The following ADAM23 variants were observed in gnomAD, a reference collection of about 807,000 sequenced individuals.
ADAM23 encodes the protein disintegrin and metalloproteinase domain-containing protein 23.
Under a neutral mutation model 120.1 loss-of-function variants are expected in ADAM23, and 33 were observed. The ratio of observed to expected loss-of-function variants is 0.27; its 90% CI spans 0.21 to 0.37. The LOEUF is 0.37. ADAM23 is among the 10% of genes least tolerant of loss of function. The pLI is 1.00. For missense variants in ADAM23, 862 were observed against 1,058.2 expected, an observed-to-expected ratio of 0.81 and a Z score of 2.57; for synonymous variants, 367 against 375.2, an observed-to-expected ratio of 0.98 and a Z score of 0.25.
intron 3 of ADAM23, among the ~76,000 whole-genome samples, chr2:206,514,364 C>CT (rs929490398): frequency 6.6e-6 from 1 of 152,104 alleles, no homozygotes; most frequent in Non-Finnish European, 1.5e-5. Flanking sequence ...TCATGGATGA[C>CT]TTTGAGGGGT....
chr2:206,452,954 T>A (rs1342687217), intron 2 of ADAM23, among the ~76,000 whole-genome samples: 1 of 152,190 alleles, frequency 6.6e-6, no homozygotes, highest in Non-Finnish European at 1.5e-5. Context: ...AATCCATCAG[T>A]CCCACTGCTG....
chr2:206,587,881 T>A (rs1698354733), intron 19 of ADAM23, among the ~76,000 whole-genome samples: 1 of 152,248 alleles, frequency 6.6e-6, no homozygotes, highest in Admixed American at 6.5e-5. Context: ...TAGTTTACAT[T>A]TAGAGAGCTG....
chr2:206,550,633 G>A (rs1423793523), intron 9 of ADAM23, among the ~76,000 whole-genome samples: 1 of 138,918 alleles, frequency 7.2e-6, no homozygotes, highest in Non-Finnish European at 1.5e-5. Context: ...ACGGAGTCTC[G>A]CTCTGTCGCC....
chr2:206,463,633 A>C (rs1008992514), intron 2 of ADAM23, among the ~76,000 whole-genome samples: 3 of 152,130 alleles, frequency 2.0e-5, no homozygotes, highest in African/African-American at 7.2e-5. Flanking sequence ...GCCGAAAAGG[A>C]AGGTTTAGGA....
At chr2:206,595,796 TAATA>T (rs1191107551) in intron 23 of ADAM23, among the ~76,000 whole-genome samples, 11 of 150,052 alleles carry the variant, frequency 7.3e-5, no homozygotes, top group African/African-American at 2.4e-4. Context: ...TTAAGAATAA[TAATA>T]AATAATAAGA....
At chr2:206,510,115 G>C (rs1386840724) in intron 3 of ADAM23, among the ~76,000 whole-genome samples, 1 of 152,118 alleles carries the variant, frequency 6.6e-6, no homozygotes, top group African/African-American at 2.4e-5. Flanking sequence ...ATGCATCATA[G>C]TTATGAAGTG....
At chr2:206,476,181 C>A (rs1041475458) in intron 2 of ADAM23, among the ~76,000 whole-genome samples, 1 of 152,048 alleles carries the variant, frequency 6.6e-6, no homozygotes, top group Non-Finnish European at 1.5e-5. Context: ...TGCTTGATAC[C>A]CTAAAGGGCT....
Position 206,569,187 on chromosome 2 carries a change from C to G in ADAM23, c.1495-1553C>G, listed in dbSNP as rs371996197. The stretch of plus-strand genomic sequence containing the variant: ...AAGCATCATGCCTGAGGAAACAACT[C>G]TCACTTGTTTGGAAAGGTTAAGGTT... On this transcript the variant is annotated intron_variant, in intron 15 of 25. Coordinates refer to ENST00000264377, the MANE Select transcript of ADAM23 (RefSeq NM_003812.4). 9.8e-5 allele frequency among the ~76,000 whole-genome samples: 15 copies of G among 152,300 alleles called. No homozygotes were observed. In the East Asian group the frequency reaches 1.9e-3, roughly 20 times the overall value.
intron 2 of ADAM23, among the ~76,000 whole-genome samples, chr2:206,458,170 A>G (rs145115899): frequency 4.6e-5 from 7 of 152,360 alleles, no homozygotes; most frequent in Admixed American, 1.3e-4. Context: ...GCTGTTACCA[A>G]CTATCTGGAA....
intron 3 of ADAM23, among the ~76,000 whole-genome samples, chr2:206,508,178 C>G (rs528524328): frequency 2.6e-5 from 4 of 152,198 alleles, no homozygotes; most frequent in South Asian, 2.1e-4. Flanking sequence ...TACAGGCATC[C>G]ACCACCACGC....
intron 3 of ADAM23, among the ~76,000 whole-genome samples, chr2:206,502,836 A>C (rs747276629): frequency 6.6e-6 from 1 of 152,122 alleles, no homozygotes; most frequent in African/African-American, 2.4e-5. Context: ...ACTCAATACA[A>C]TGTTTAAAGG....
At chr2:206,524,021 A>C (rs1696897280) in intron 3 of ADAM23, among the ~76,000 whole-genome samples, 1 of 152,108 alleles carries the variant, frequency 6.6e-6, no homozygotes. Context: ...AAGGGGTGGT[A>C]GGAGACTTCT....
At chr2:206,518,505 T>G (rs1696779336) in intron 3 of ADAM23, among the ~76,000 whole-genome samples, 2 of 152,330 alleles carry the variant, frequency 1.3e-5, no homozygotes, top group South Asian at 2.1e-4. Flanking sequence ...ATTAAAAACA[T>G]GTTAGCATGA....
chr2:206,447,039 T>G (rs1695095643), intron 2 of ADAM23, among the ~76,000 whole-genome samples: 1 of 152,214 alleles, frequency 6.6e-6, no homozygotes, highest in Non-Finnish European at 1.5e-5. Flanking sequence ...CAAAGCCTGT[T>G]TCAAAGAATG....
chr2:206,593,031 T>G (rs962489721), intron 22 of ADAM23, among the ~76,000 whole-genome samples: 7 of 152,178 alleles, frequency 4.6e-5, no homozygotes, highest in Non-Finnish European at 1.0e-4. Flanking sequence ...TTATTAAAGT[T>G]TTAAGCATTA....
At chr2:206,494,656 T>A (rs1696201317) in intron 3 of ADAM23, among the ~76,000 whole-genome samples, 1 of 152,204 alleles carries the variant, frequency 6.6e-6, no homozygotes, top group Admixed American at 6.5e-5. Context: ...TATCAAATGT[T>A]TACTGGATAA....
intron 20 of ADAM23, 74 bp from the exon 21 acceptor site, chr2:206,589,335 T>A: frequency 7.8e-7 from 1 of 1,273,982 alleles, no homozygotes; most frequent in Middle Eastern, 1.9e-4. Context: ...TGTTAAACAC[T>A]TACTGGCACA....
chr2:206,617,979 TC>T lies in ADAM23; in HGVS notation c.*355del, dbSNP rs1698967697. ...AAAAAAAATAGTAAATGATTTTTTT[TC>T]CCTCAGCCTGCTGGCACTTAATATC... On this transcript the variant is annotated 3_prime_UTR_variant, in exon 26 of 26. Transcript: ENST00000264377. 5.0e-6 allele frequency: 1 copy of T among 198,682 alleles called. No individual in the cohort carries two copies. 12.3% of individuals were successfully genotyped at this position (198,682 alleles called of 1,614,324 possible). A position where few individuals can be genotyped will look rare whatever the true frequency, so the allele number is the denominator to read the frequency against.
At chr2:206,542,790 G>T (rs1246863926) in intron 5 of ADAM23, among the ~76,000 whole-genome samples, 1 of 152,162 alleles carries the variant, frequency 6.6e-6, no homozygotes, top group Non-Finnish European at 1.5e-5. Flanking sequence ...TAAGCGTAAA[G>T]ATACCACTGT....
Sources: gnomAD v4.1 joint callset for allele counts (sites outside exome capture counted in the v4.1 genomes callset) on GRCh38, gnomAD v4.1.1 for gene constraint, MANE v1.5 for transcripts, NCBI Gene and HGNC (gene_info 2026-07-23, HGNC 2026-07-21) for gene names.